TDRD12: variants seen among roughly 807,000 people sequenced by gnomAD.
TDRD12 encodes tudor domain containing 12.
In TDRD12, 158 loss-of-function variants were observed where a neutral mutation model predicts 133.5. The ratio of observed to expected loss-of-function variants is 1.18; its 90% CI spans 1.04 to 1.35. The LOEUF (loss-of-function observed/expected upper bound fraction) is 1.35. Ranked by LOEUF, TDRD12 falls within the 40% of genes most tolerant of loss-of-function variation. The probability of loss-of-function intolerance (pLI) is 0.00; values close to 1 mark genes in which losing one functional copy is unlikely to be tolerated. For synonymous variants in TDRD12, 460 were observed against 477.9 expected (o/e 0.96, Z 0.49); for missense variants, 1,443 against 1,321.3 (o/e 1.09, Z -1.43).
intron 16 of TDRD12, among the ~76,000 whole-genome samples, chr19:32,799,634 C>G (rs1971327524): frequency 6.6e-6 from 1 of 151,540 alleles, no homozygotes; most frequent in Non-Finnish European, 1.5e-5. Flanking sequence ...ACATATTTAC[C>G]AAGATATTGC....
At chr19:32,790,382 A>G (rs1210326579) in intron 11 of TDRD12, 149 bp from the exon 12 acceptor site, 6 of 778,300 alleles carry the variant, frequency 7.7e-6, no homozygotes, top group Non-Finnish European at 1.2e-5. Context: ...TGTCTCATAA[A>G]CCAAGCAGAA....
intron 14 of TDRD12, among the ~76,000 whole-genome samples, chr19:32,795,199 G>A (rs1174008648): frequency 2.0e-5 from 3 of 152,016 alleles, no homozygotes; most frequent in African/African-American, 2.4e-5. Flanking sequence ...GGTGGGCATG[G>A]TGGCATGCCT....
At chr19:32,732,488 A>T (rs1475087156) in intron 2 of TDRD12, among the ~76,000 whole-genome samples, 1 of 152,194 alleles carries the variant, frequency 6.6e-6, no homozygotes, top group Non-Finnish European at 1.5e-5. Flanking sequence ...GGATCTCAGC[A>T]AAGAGGGAAT....
intron 17 of TDRD12, 104 bp downstream of exon 17, chr19:32,800,462 TAAAC>T: frequency 9.7e-7 from 1 of 1,030,632 alleles, no homozygotes; most frequent in South Asian, 1.9e-5. Flanking sequence ...GGCTTAGTAT[TAAAC>T]AATTACAGCT....
chr19:32,800,964 G>C (rs1000272965), intron 18 of TDRD12, among the ~76,000 whole-genome samples, 192 bp downstream of exon 18: 11 of 151,448 alleles, frequency 7.3e-5, no homozygotes, highest in African/African-American at 2.7e-4. Context: ...GGAGGAGCCA[G>C]GTGCGGGGGC....
At chr19:32,826,648 T>C (rs576584590) in intron 9 of TDRD12, 35 bp from the exon 32 acceptor site, 2 of 1,232,232 alleles carry the variant, frequency 1.6e-6, no homozygotes, top group East Asian at 3.2e-5. Flanking sequence ...GTGTGTCATA[T>C]TCACGCGCTC....
At chr19:32,772,569 G>A (rs1356580946) in intron 8 of TDRD12, among the ~76,000 whole-genome samples, 184 bp from the exon 9 acceptor site, 1 of 152,144 alleles carries the variant, frequency 6.6e-6, no homozygotes, top group East Asian at 1.9e-4. Context: ...TTACAATAAA[G>A]GTTGAGACAA....
At chr19:32,729,089 C>CA (rs972912277) in intron 1 of TDRD12, among the ~76,000 whole-genome samples, 1 of 149,644 alleles carries the variant, frequency 6.7e-6, no homozygotes, top group African/African-American at 2.5e-5. Flanking sequence ...GTTTTCAACT[C>CA]ACTCTAACCA....
At chr19:32,742,816 C>T (rs772982873) in exon 4 of TDRD12, 8 of 1,551,758 alleles carry the variant, frequency 5.2e-6, no homozygotes, top group Non-Finnish European at 7.0e-6. Flanking sequence ...ATGCAGCTTC[C>T]CTATAGAGCA....
At chr19:32,766,052 T>G (rs1236138499) in intron 8 of TDRD12, among the ~76,000 whole-genome samples, 1 of 152,202 alleles carries the variant, frequency 6.6e-6, no homozygotes, top group Non-Finnish European at 1.5e-5. Context: ...TTTATTTTGG[T>G]TAATATTAGC....
chr19:32,727,657 CATTTTTATTTTT>C (rs1040665821), intron 1 of TDRD12, among the ~76,000 whole-genome samples: 6 of 151,998 alleles, frequency 3.9e-5, no homozygotes, highest in African/African-American at 1.4e-4. Context: ...TTTATTCTTT[CATTTTTATTTTT>C]ATTTTTATTT....
At chr19:32,810,105 T>G (rs1157288515) in exon 23 of TDRD12, 1 of 1,521,468 alleles carries the variant, frequency 6.6e-7, no homozygotes, top group African/African-American at 1.4e-5. Flanking sequence ...AATACCTTTT[T>G]ATATTTTGAA....
chr19:32,762,327 A>C (rs538566240), intron 8 of TDRD12, among the ~76,000 whole-genome samples: 17 of 152,134 alleles, frequency 1.1e-4, no homozygotes, highest in African/African-American at 4.1e-4. Context: ...TGCATTTTTC[A>C]TTTAGATCCA....
At chr19:32,790,490 A>G (rs1226710171) in intron 11 of TDRD12, 41 bp from the exon 12 acceptor site, 4 of 1,533,994 alleles carry the variant, frequency 2.6e-6, no homozygotes, top group Non-Finnish European at 3.5e-6. Flanking sequence ...TGAGGAAACA[A>G]ACACCTTTTT....
chr19:32,764,084 T>TTTTACTTGTA (rs1197062402), intron 8 of TDRD12, among the ~76,000 whole-genome samples: 2 of 151,856 alleles, frequency 1.3e-5, no homozygotes, highest in Admixed American at 1.3e-4. Flanking sequence ...GCTTTTCTTT[T>TTTTACTTGTA]TTTACTTGTA....
At chr19:32,748,364 C>G (rs1381839945) in intron 4 of TDRD12, 112 bp from the exon 5 acceptor site, 1 of 1,071,908 alleles carries the variant, frequency 9.3e-7, no homozygotes, top group Non-Finnish European at 1.3e-6. Context: ...TCATCTGCAT[C>G]ACGTGTTCCA....
At chr19:32,736,161 A>G (rs1419831847) in intron 2 of TDRD12, among the ~76,000 whole-genome samples, 1 of 152,232 alleles carries the variant, frequency 6.6e-6, no homozygotes, top group Non-Finnish European at 1.5e-5. Flanking sequence ...TGGAACAAGA[A>G]AGCCTGAATG....
Position 32,740,344 on chromosome 19 carries a change from T to C in TDRD12, c.320+1352T>C, listed in dbSNP as rs185121436. 6.6e-3 allele frequency among the ~76,000 whole-genome samples: 931 copies of C among 140,940 alleles called. 25 individuals carry two copies. Among genetic ancestry groups the C allele is most frequent in the African/African-American group, 0.025 (882 of 35,448 alleles). The allele number at this position is 140,940 out of a possible 152,430, so 92.5% of individuals were successfully genotyped here. A position where few individuals can be genotyped will look rare whatever the true frequency, so the allele number is the denominator to read the frequency against. ...TACTCTCTGCATCTCCTGGGTGCTC[T>C]CTGCATCTCCTGGGTGCTGTCTGCA... On this transcript the variant is annotated intron_variant, in intron 3 of 27. Transcript: ENST00000444215.
At chr19:32,777,055 T>G in intron 10 of TDRD12, 94 bp from the exon 11 acceptor site, 1 of 803,020 alleles carries the variant, frequency 1.2e-6, no homozygotes, top group Non-Finnish European at 1.9e-6. Context: ...TGCCCGGCAT[T>G]TTTTATTTTT....
Sources: allele counts gnomAD v4.1 joint callset (sites outside exome capture counted in the v4.1 genomes callset), GRCh38; gene constraint gnomAD v4.1.1; transcripts MANE v1.5; gene names NCBI Gene and HGNC (gene_info 2026-07-23, HGNC 2026-07-21).